MTREX: variants seen among roughly 807,000 people sequenced by gnomAD.
The protein encoded by MTREX is Mtr4 exosome RNA helicase, also known as exosome RNA helicase MTR4.
A neutral mutation model predicts 135.4 loss-of-function variants in MTREX; 76 were observed. That is an observed-to-expected ratio of 0.56 (90% CI 0.47 to 0.68). MTREX has a LOEUF of 0.68. Ranked by LOEUF, MTREX falls within the 30% of genes least tolerant of loss-of-function variation. The probability of loss-of-function intolerance (pLI) is 0.00; values close to 1 mark genes in which losing one functional copy is unlikely to be tolerated. For missense variants in MTREX, 920 were observed against 1,262.1 expected, an observed-to-expected ratio of 0.73 and a Z score of 4.11; for synonymous variants, 404 against 401.6, an observed-to-expected ratio of 1.01 and a Z score of -0.07.
chr5:55,351,228 C>T (rs1438879476), intron 13 of MTREX, among the ~76,000 whole-genome samples, 199 bp downstream of exon 13: 1 of 151,942 alleles, frequency 6.6e-6, no homozygotes, highest in African/African-American at 2.4e-5. Context: ...ACATTTGTTT[C>T]CTTTCTTCAA....
intron 24 of MTREX, 54 bp downstream of exon 24, chr5:55,414,292 T>C (rs983923064): frequency 3.0e-6 from 4 of 1,330,782 alleles, no homozygotes; most frequent in Admixed American, 2.5e-5. Flanking sequence ...TAGTAGATTG[T>C]AAAATAAACA....
intron 22 of MTREX, among the ~76,000 whole-genome samples, chr5:55,409,593 AC>A (rs1480224821): frequency 1.3e-5 from 2 of 152,222 alleles, no homozygotes; most frequent in African/African-American, 2.4e-5. Context: ...AAAGAAGATG[AC>A]CTTCCTCTCA....
intron 14 of MTREX, among the ~76,000 whole-genome samples, chr5:55,354,052 G>A (rs2290596): frequency 6.6e-6 from 1 of 152,038 alleles, no homozygotes; most frequent in Non-Finnish European, 1.5e-5. Flanking sequence ...GGGGTAAAAA[G>A]CAAATCCTTA....
Position 55,347,082 on chromosome 5 carries a change from G to T in MTREX, c.1178G>T (p.Ser393Ile), listed in dbSNP as rs1341583437. The T allele has an allele frequency of 6.2e-7, 1 of 1,609,484 alleles. No homozygotes were observed. The highest frequency in any genetic ancestry group is 1.3e-5 in the African/African-American group (1 of 74,858). Residue 393 changes from serine to isoleucine, a missense_variant, in exon 11 of 27, where the codon AGT (serine) becomes ATT (isoleucine). Around this residue, in one of 6 missense-constraint regions of MTREX, gnomAD observed 101 missense variants for 119.1 expected, o/e 0.85. Coordinates refer to ENST00000230640, the MANE Select transcript of MTREX (RefSeq NM_015360.5). ...AATTTCCAACCTGTGATTATTTTCA[G>T]TTTTAGTAAGAAAGATTGTGAAGCC... Reference protein sequence around the residue: ...ERNFQPVIIFSFSKKDCEAYA... With the variant: ...ERNFQPVIIFIFSKKDCEAYA...
At chr5:55,345,280 T>C (rs1036105937) in intron 10 of MTREX, 84 bp downstream of exon 10, 1 of 873,962 alleles carries the variant, frequency 1.1e-6, no homozygotes, top group Admixed American at 2.4e-5. Flanking sequence ...TTAGTTTTTT[T>C]TTCTCAAGCT....
At chr5:55,353,645 G>A (rs147062871) in intron 14 of MTREX, among the ~76,000 whole-genome samples, 1 of 152,284 alleles carries the variant, frequency 6.6e-6, no homozygotes, top group African/African-American at 2.4e-5. Context: ...CAAGGCTCCA[G>A]TGAGCTGTGA....
At chr5:55,383,940 T>C (rs758490924) in intron 18 of MTREX, among the ~76,000 whole-genome samples, 5 of 152,156 alleles carry the variant, frequency 3.3e-5, no homozygotes, top group Non-Finnish European at 7.4e-5. Context: ...TGGCTAACTT[T>C]AAACAATTTT....
At position 55,387,997 on chromosome 5, in the gene MTREX, T is replaced by G. The variant is rs1468652093; in HGVS notation, c.2076T>G (p.Pro692=). ...AGCCTAACTCTGGTGAACTGGATCC[T>G]TTGTATGTAGTAGAAGTACTTCTGC... ...NVKPNSGELD[P]LYVVEVLLRC... Residue 692 remains proline, a synonymous_variant, in exon 19 of 27, where the codon CCT becomes CCG. Coordinates refer to ENST00000230640, the MANE Select transcript of MTREX (RefSeq NM_015360.5). 1.2e-6 allele frequency: 2 copies of G among 1,601,066 alleles called. No homozygotes were observed. Among genetic ancestry groups the G allele is most frequent in the African/African-American group, 2.7e-5 (2 of 74,748 alleles).
chr5:55,396,304 A>T (rs1283001033), intron 19 of MTREX, among the ~76,000 whole-genome samples: 2 of 152,200 alleles, frequency 1.3e-5, no homozygotes, highest in African/African-American at 4.8e-5. Context: ...ATAGTAATGT[A>T]TAAAGGTCAT....
intron 21 of MTREX, among the ~76,000 whole-genome samples, chr5:55,404,342 A>G (rs753186507): frequency 2.6e-5 from 4 of 152,056 alleles, no homozygotes; most frequent in Non-Finnish European, 5.9e-5. Context: ...AAACTTATCT[A>G]CTCTAAAGGA....
In MTREX at chr5:55,409,662, A is replaced by G. The variant is rs147332185; in HGVS notation, c.2646-862A>G. On this transcript the variant is annotated intron_variant, in intron 22 of 26. Coordinates refer to ENST00000230640, the MANE Select transcript of MTREX (RefSeq NM_015360.5). ...TTTTGATGATGCAAAAGAGGAATCA[A>G]AAGTAATAAGCTAGAACTTAAAAGA... Among the ~76,000 whole-genome samples, 964 of 152,358 alleles carry G rather than the reference A, an allele frequency of 6.3e-3. 15 individuals are homozygous for G. Among genetic ancestry groups the G allele is most frequent in the African/African-American group, 0.021 (858 of 41,594 alleles).
chr5:55,378,124 A>G (rs1240559217), intron 16 of MTREX, among the ~76,000 whole-genome samples, 190 bp from the exon 17 acceptor site: 1 of 152,180 alleles, frequency 6.6e-6, no homozygotes, highest in Non-Finnish European at 1.5e-5. Context: ...AAGCCTCCAT[A>G]AAAGGCACAA....
chr5:55,404,983 ATG>A (rs1194478607), intron 21 of MTREX, among the ~76,000 whole-genome samples: 2 of 151,184 alleles, frequency 1.3e-5, no homozygotes, highest in Non-Finnish European at 3.0e-5. Flanking sequence ...GATTTTTTGT[ATG>A]TGTGTTTTTA....
chr5:55,397,312 A>G lies in MTREX; in HGVS notation c.2182-104A>G. 1.5e-5 allele frequency: 9 copies of G among 603,680 alleles called. No homozygotes were observed. In the Admixed American group the frequency reaches 2.4e-4, roughly 16 times the overall value. The allele number at this position is 603,680 out of a possible 1,614,324, so 37.4% of individuals were successfully genotyped here. A position where few individuals can be genotyped will look rare whatever the true frequency, so the allele number is the denominator to read the frequency against. ...ATTATGTACTTCTTATACCTGTTAC[A>G]TACCATAAATGCAACTTCCTCTTTA... On this transcript the variant is annotated intron_variant, in intron 19 of 26. Coordinates refer to ENST00000230640, the MANE Select transcript of MTREX (RefSeq NM_015360.5).
chr5:55,352,001 G>T (rs1411806312), intron 13 of MTREX, among the ~76,000 whole-genome samples: 2 of 145,424 alleles, frequency 1.4e-5, no homozygotes, highest in East Asian at 2.1e-4. Flanking sequence ...TTTTTTTCTT[G>T]TTTTTTGTTT....
At chr5:55,385,091 T>C (rs1750456029) in intron 18 of MTREX, among the ~76,000 whole-genome samples, 2 of 152,216 alleles carry the variant, frequency 1.3e-5, no homozygotes, top group Admixed American at 1.3e-4. Context: ...TTAAGAGTTG[T>C]CTGTTTTAAG....
intron 22 of MTREX, 102 bp from the exon 23 acceptor site, chr5:55,410,422 G>A (rs2111612416): frequency 1.9e-6 from 1 of 536,864 alleles, no homozygotes; most frequent in East Asian, 3.0e-5. Flanking sequence ...ACTCCTTAAG[G>A]TCAAATAATA....
At chr5:55,313,436 T>A (rs915006098) in intron 1 of MTREX, among the ~76,000 whole-genome samples, 2 of 151,928 alleles carry the variant, frequency 1.3e-5, no homozygotes, top group African/African-American at 4.8e-5. Flanking sequence ...AAGAGACATG[T>A]CTCAAAAAAA....
At chr5:55,310,967 C>T (rs767973220) in intron 1 of MTREX, among the ~76,000 whole-genome samples, 33 of 151,544 alleles carry the variant, frequency 2.2e-4, no homozygotes, top group Non-Finnish European at 4.0e-4. Flanking sequence ...TTTGTAGAGA[C>T]GGGTGTCTCA....
Sources: allele counts gnomAD v4.1 joint callset (sites outside exome capture counted in the v4.1 genomes callset), GRCh38; gene constraint gnomAD v4.1.1; regional missense constraint gnomAD v4.1.1; transcripts MANE v1.5; gene names NCBI Gene and HGNC (gene_info 2026-07-23, HGNC 2026-07-21).